TP63: variants seen among roughly 807,000 people sequenced by gnomAD.
The protein encoded by TP63 is tumor protein p63.
TP63 carries 17 observed loss-of-function variants against 82.8 expected under a neutral mutation model. The ratio of observed to expected loss-of-function variants is 0.21; its 90% CI spans 0.14 to 0.31. The LOEUF (loss-of-function observed/expected upper bound fraction) is 0.31, where lower values mean the gene tolerates loss of function less well. Among genes scored for constraint, TP63 ranks in the 10% least tolerant of loss-of-function variants. The probability of loss-of-function intolerance (pLI) is 1.00; values close to 1 mark genes in which losing one functional copy is unlikely to be tolerated. For synonymous variants in TP63, 330 were observed against 321.7 expected, an observed-to-expected ratio of 1.03 and a Z score of -0.28; for missense variants, 648 against 895.3, an observed-to-expected ratio of 0.72 and a Z score of 3.52.
At chr3:189,677,611 C>T (rs534971236) in intron 1 of TP63, among the ~76,000 whole-genome samples, 2 of 151,826 alleles carry the variant, frequency 1.3e-5, no homozygotes, top group South Asian at 4.2e-4. Context: ...GGGTCAGTAT[C>T]CAGTAGTGGG....
At chr3:189,631,254 C>T, upstream of TP63, 2 of 985,212 alleles carry the variant, frequency 2.0e-6, no homozygotes, top group Non-Finnish European at 2.4e-6. Context: ...GGAAGAACAA[C>T]AGTAGAGAGG....
At chr3:189,598,276 AG>A in the TP63 span, among the ~76,000 whole-genome samples, 1 of 146,860 alleles carries the variant, frequency 6.8e-6, no homozygotes, top group Non-Finnish European at 1.5e-5. Flanking sequence ...GGGAGAGTAG[AG>A]GAGGGGAGGA....
chr3:189,761,484 G>C (rs1027301850), intron 3 of TP63, among the ~76,000 whole-genome samples: 11 of 142,322 alleles, frequency 7.7e-5, no homozygotes, highest in African/African-American at 2.7e-4. Flanking sequence ...TTCCCAACAA[G>C]TTCCTCATCT....
chr3:189,706,648 T>C (rs565924500), intron 1 of TP63, among the ~76,000 whole-genome samples: 1 of 152,312 alleles, frequency 6.6e-6, no homozygotes, highest in South Asian at 2.1e-4. Flanking sequence ...GCAATACATC[T>C]CAAGCAGGGA....
chr3:189,750,072 T>TGA (rs1049350943), intron 3 of TP63, among the ~76,000 whole-genome samples: 21 of 143,460 alleles, frequency 1.5e-4, no homozygotes, highest in African/African-American at 5.5e-4. Context: ...TGCAGTGAGC[T>TGA]GAGATCCCAC....
At chr3:189,631,380 C>T (rs1729445999), upstream of TP63, 1 of 1,537,560 alleles carries the variant, frequency 6.5e-7, no homozygotes, top group Admixed American at 1.9e-5. Flanking sequence ...GAGAGAAGTG[C>T]CTAAACTTCT....
intron 3 of TP63, among the ~76,000 whole-genome samples, chr3:189,743,437 C>T (rs1390970838): frequency 6.6e-6 from 1 of 152,020 alleles, no homozygotes; most frequent in Admixed American, 6.5e-5. Flanking sequence ...TTCCCTTTGG[C>T]CTGTAAGTTC....
chr3:189,829,151 A>G (rs1243337027), intron 4 of TP63, among the ~76,000 whole-genome samples: 6 of 152,240 alleles, frequency 3.9e-5, no homozygotes, highest in African/African-American at 7.2e-5. Flanking sequence ...AAATCTTGGC[A>G]GATACCATAT....
chr3:189,745,798 G>A (rs1222228080), intron 3 of TP63, among the ~76,000 whole-genome samples: 1 of 143,920 alleles, frequency 6.9e-6, no homozygotes, highest in African/African-American at 2.6e-5. Context: ...GAAAGCTTCA[G>A]CAATAGACTA....
chr3:189,749,042 T>C (rs1191572447), intron 3 of TP63, among the ~76,000 whole-genome samples: 5 of 151,508 alleles, frequency 3.3e-5, no homozygotes, highest in Non-Finnish European at 7.4e-5. Context: ...ACAGATAAAA[T>C]ACTTAAATGT....
intron 1 of TP63, among the ~76,000 whole-genome samples, chr3:189,635,403 T>C (rs1216243404): frequency 2.6e-5 from 4 of 152,138 alleles, no homozygotes; most frequent in Non-Finnish European, 5.9e-5. Context: ...TGGGCGTCCT[T>C]CACTTGCTCC....
At chr3:189,751,553 C>T (rs1721822272) in intron 3 of TP63, among the ~76,000 whole-genome samples, 2 of 152,178 alleles carry the variant, frequency 1.3e-5, no homozygotes, top group African/African-American at 2.4e-5. Context: ...TTTTGATTTG[C>T]ATTTCTCTGA....
chr3:189,783,148 CTA>C (rs1448852125), intron 3 of TP63, among the ~76,000 whole-genome samples: 1 of 151,908 alleles, frequency 6.6e-6, no homozygotes, highest in East Asian at 1.9e-4. Context: ...AATTCAATAA[CTA>C]TGTAGCAGTT....
chr3:189,619,016 T>G, the TP63 span, among the ~76,000 whole-genome samples: 1 of 152,214 alleles, frequency 6.6e-6, no homozygotes, highest in Non-Finnish European at 1.5e-5. Context: ...GTCAATAAAC[T>G]GTTTCCTATG....
At chr3:189,783,314 G>A (rs1724366922) in intron 3 of TP63, among the ~76,000 whole-genome samples, 1 of 151,940 alleles carries the variant, frequency 6.6e-6, no homozygotes, top group Non-Finnish European at 1.5e-5. Context: ...TATTTAGTAT[G>A]TGTACACCTG....
chr3:189,878,414 A>C (rs1481636022), intron 10 of TP63, among the ~76,000 whole-genome samples: 1 of 127,772 alleles, frequency 7.8e-6, no homozygotes, highest in Non-Finnish European at 1.6e-5. Flanking sequence ...TTTGAGACAG[A>C]GTCTTGCTCT....
intron 1 of TP63, among the ~76,000 whole-genome samples, chr3:189,683,039 A>G (rs980076528): frequency 6.6e-6 from 1 of 152,204 alleles, no homozygotes; most frequent in African/African-American, 2.4e-5. Context: ...TTTCCATTAT[A>G]CAGATGAGGA....
At chr3:189,602,006 G>A in the TP63 span, among the ~76,000 whole-genome samples, 4 of 152,278 alleles carry the variant, frequency 2.6e-5, 1 homozygote, top group Admixed American at 2.6e-4. Context: ...AGTAGTGAGT[G>A]TGAAAGAGTG....
chr3:189,867,758 T>C (rs1462570623), intron 6 of TP63, 75 bp from the exon 7 acceptor site: 6 of 1,326,712 alleles, frequency 4.5e-6, no homozygotes, highest in Middle Eastern at 1.8e-4. Context: ...ATTCCTTAAA[T>C]AGAGGGAAGA....
Sources: allele counts gnomAD v4.1 joint callset (sites outside exome capture counted in the v4.1 genomes callset), GRCh38; gene constraint gnomAD v4.1.1; transcripts MANE v1.5; gene names NCBI Gene and HGNC (gene_info 2026-07-23, HGNC 2026-07-21).